The following AUNIP variants were observed in gnomAD, a reference collection of about 807,000 sequenced individuals.
AUNIP encodes the protein aurora kinase A and ninein interacting protein.
AUNIP carries 16 observed loss-of-function variants against 12.2 expected under a neutral mutation model. The observed-to-expected ratio is 1.31, with a 90% CI of 0.88 to 1.99. AUNIP has a LOEUF of 1.99. Ranked by LOEUF, AUNIP falls within the 30% of genes most tolerant of loss-of-function variation. AUNIP has a pLI of 0.00. For missense variants in AUNIP, 411 were observed against 419.1 expected (o/e 0.98, Z 0.17); for synonymous variants, 142 against 154.8 (o/e 0.92, Z 0.61).
intron 1 of AUNIP, among the ~76,000 whole-genome samples, chr1:25,846,213 G>A (rs2048382151): frequency 6.6e-6 from 1 of 152,036 alleles, no homozygotes; most frequent in Admixed American, 6.6e-5. Flanking sequence ...TGAGGTAGGA[G>A]TTCGAGATCA....
At chr1:25,846,196 G>A (rs1410863682) in intron 1 of AUNIP, among the ~76,000 whole-genome samples, 1 of 152,152 alleles carries the variant, frequency 6.6e-6, no homozygotes, top group Admixed American at 6.5e-5. Flanking sequence ...AAGGCAGGCA[G>A]ATCACTTGAG....
chr1:25,852,530 C>A (rs1042758318), intron 1 of AUNIP, among the ~76,000 whole-genome samples: 2 of 150,210 alleles, frequency 1.3e-5, no homozygotes, highest in Non-Finnish European at 3.0e-5. Context: ...ACCTCCGCCT[C>A]CTGGGTTCAA....
chr1:25,835,894 T>C (rs745822741), intron 2 of AUNIP, 48 bp from the exon 3 acceptor site: 1 of 1,585,886 alleles, frequency 6.3e-7, no homozygotes, highest in South Asian at 1.2e-5. Context: ...AAAACTGCCC[T>C]AAGCAGGATT....
At chr1:25,858,639 G>C (rs1328987816) in intron 1 of AUNIP, among the ~76,000 whole-genome samples, 1 of 152,196 alleles carries the variant, frequency 6.6e-6, no homozygotes, top group African/African-American at 2.4e-5. Flanking sequence ...GCTCCTTCTA[G>C]TTAGGCGGGC....
At chr1:25,845,298 GTT>G (rs2048374048) in intron 1 of AUNIP, among the ~76,000 whole-genome samples, 1 of 152,132 alleles carries the variant, frequency 6.6e-6, no homozygotes, top group Admixed American at 6.6e-5. Flanking sequence ...TCTGTCAACA[GTT>G]TCTCTATTAC....
downstream of AUNIP, chr1:25,831,937 A>G: frequency 1.9e-6 from 3 of 1,614,156 alleles, no homozygotes; most frequent in Non-Finnish European, 2.5e-6. Context: ...GAGTTTATTG[A>G]AGGAGGAAGA....
downstream of AUNIP, chr1:25,832,162 A>AC: frequency 6.4e-7 from 1 of 1,557,174 alleles, no homozygotes; most frequent in Non-Finnish European, 8.7e-7. Flanking sequence ...GCTTGGACTG[A>AC]AAGAGAAGAG....
At chr1:25,840,389 T>C (rs1408182702) in intron 1 of AUNIP, among the ~76,000 whole-genome samples, 1 of 152,160 alleles carries the variant, frequency 6.6e-6, no homozygotes, top group Non-Finnish European at 1.5e-5. Context: ...ATATAAAGCA[T>C]ACATATAATT....
In AUNIP at chr1:25,835,428, T is replaced by C. The variant is rs774594072; in HGVS notation, c.639A>G (p.Lys213=). 16 of 1,614,266 alleles carry C rather than the reference T, an allele frequency of 9.9e-6. No individual in the cohort carries two copies. Among genetic ancestry groups the C allele is most frequent in the Non-Finnish European group, 1.4e-5 (16 of 1,180,046 alleles). ...ATTTGTCCCCAGGTAGTTTGGTGTG[T>C]TTCTCCATACTCTGATAGTTCTTCT... ...ESKKNYQSME[K]HTKLPGDKCC... is the part of the protein sequence containing the mutation. Residue 213 remains lysine (K), a synonymous_variant, in exon 3 of 3, where the codon AAA becomes AAG. Coordinates refer to ENST00000374298, the MANE Select transcript of AUNIP (RefSeq NM_024037.3).
At chr1:25,836,996 A>C (rs1304989745) in intron 2 of AUNIP, among the ~76,000 whole-genome samples, 3 of 152,200 alleles carry the variant, frequency 2.0e-5, no homozygotes, top group Non-Finnish European at 4.4e-5. Context: ...GCTAAGAAAA[A>C]GCATCTTTGA....
intron 2 of AUNIP, 152 bp downstream of exon 2, chr1:25,837,261 G>T: frequency 1.1e-6 from 1 of 936,336 alleles, no homozygotes; most frequent in Non-Finnish European, 1.5e-6. Context: ...TTTTCAAAAG[G>T]CAACAACTTA....
chr1:25,835,955 G>A, intron 2 of AUNIP, 109 bp from the exon 3 acceptor site: 3 of 1,460,758 alleles, frequency 2.1e-6, no homozygotes, highest in Non-Finnish European at 2.7e-6. Context: ...ACCTAGTGCA[G>A]GAGTCTTAAG....
chr1:25,841,598 A>G lies in AUNIP; in HGVS notation c.79-4044T>C, dbSNP rs527838326. Among the ~76,000 whole-genome samples the G allele has an allele frequency of 8.3e-4, 126 of 151,026 alleles. 1 individual carries two copies. The highest frequency in any genetic ancestry group is 2.8e-3 in the African/African-American group (116 of 41,076). ...GAGTGCAGTGGCACGATCTCGGCTC[A>G]CTGCAACCTCTGCCTCCTGGGTTCA... On this transcript the variant is annotated intron_variant, in intron 1 of 2. Coordinates refer to ENST00000374298, the MANE Select transcript of AUNIP (RefSeq NM_024037.3).
chr1:25,846,922 A>G (rs1298472939), intron 1 of AUNIP, among the ~76,000 whole-genome samples: 7 of 152,228 alleles, frequency 4.6e-5, no homozygotes, highest in African/African-American at 1.7e-4. Flanking sequence ...TGACAGTCCT[A>G]TAAAAGAAAG....
chr1:25,848,002 G>A (rs1489186664), intron 1 of AUNIP, among the ~76,000 whole-genome samples: 1 of 151,956 alleles, frequency 6.6e-6, no homozygotes, highest in Non-Finnish European at 1.5e-5. Context: ...TGCCATCCTG[G>A]ACTAAGCCCT....
At chr1:25,836,359 C>T (rs1208555744) in intron 2 of AUNIP, among the ~76,000 whole-genome samples, 4 of 152,148 alleles carry the variant, frequency 2.6e-5, no homozygotes, top group Non-Finnish European at 5.9e-5. Flanking sequence ...GTGTGAAAAA[C>T]GTGGGTCCTC....
chr1:25,836,123 A>G (rs1378814259), intron 2 of AUNIP, among the ~76,000 whole-genome samples: 2 of 152,254 alleles, frequency 1.3e-5, no homozygotes, highest in African/African-American at 4.8e-5. Context: ...CGATCAGACC[A>G]TAGCCTACTT....
At chr1:25,842,728 T>C (rs375877657) in intron 1 of AUNIP, among the ~76,000 whole-genome samples, 1 of 152,132 alleles carries the variant, frequency 6.6e-6, no homozygotes, top group East Asian at 1.9e-4. Context: ...ATTCTGAAAA[T>C]CCTTAGGCCT....
At chr1:25,833,325 A>G (rs997066360), downstream of AUNIP, among the ~76,000 whole-genome samples, 3 of 151,908 alleles carry the variant, frequency 2.0e-5, no homozygotes, top group Non-Finnish European at 4.4e-5. Flanking sequence ...TATGTTGCCC[A>G]GGCTGGTCTT....
Sources: allele counts gnomAD v4.1 joint callset (sites outside exome capture counted in the v4.1 genomes callset), GRCh38; gene constraint gnomAD v4.1.1; transcripts MANE v1.5; gene names NCBI Gene and HGNC (gene_info 2026-07-23, HGNC 2026-07-21).